The following BCAS3 variants were observed in gnomAD, a reference collection of about 807,000 sequenced individuals.
BCAS3 encodes the protein BCAS3 microtubule associated cell migration factor, also known as BCAS4/BCAS3 fusion.
BCAS3 carries 53 observed loss-of-function variants against 116.1 expected under a neutral mutation model. That is an observed-to-expected ratio of 0.46 (90% CI 0.37 to 0.57). The LOEUF (loss-of-function observed/expected upper bound fraction) is 0.57. Among genes scored for constraint, BCAS3 ranks in the 20% least tolerant of loss-of-function variants. The pLI, the probability that BCAS3 is intolerant of heterozygous loss-of-function variation, is 0.00. For synonymous variants in BCAS3, 391 were observed against 408.2 expected (o/e 0.96, Z 0.51); for missense variants, 917 against 1,165.4 (o/e 0.79, Z 3.10).
Position 61,171,729 on chromosome 17 carries a change from T to C in BCAS3, c.2425+87165T>C, listed in dbSNP as rs866634184. The stretch of plus-strand genomic sequence containing the variant: ...TCAAACTCCTGGGCTCAAGTCATCC[T>C]CCTGCTTCAGCCTCCTGAGTAGCTG... On this transcript the variant is annotated intron_variant, in intron 22 of 23. Coordinates refer to ENST00000407086, the MANE Select transcript of BCAS3 (RefSeq NM_017679.5). The surrounding 1 kb of genome is among the most constrained non-coding windows in gnomAD (Gnocchi z 4.1). 4.6e-5 allele frequency among the ~76,000 whole-genome samples: 7 copies of C among 152,222 alleles called. No individual in the cohort carries two copies. In the South Asian group the frequency reaches 6.2e-4, roughly 14 times the overall value.
At chr17:60,849,674 C>A (rs2052887998) in intron 7 of BCAS3, among the ~76,000 whole-genome samples, 1 of 152,154 alleles carries the variant, frequency 6.6e-6, no homozygotes, top group Non-Finnish European at 1.5e-5. Context: ...GGCACAGTGG[C>A]TCATGCTTGT....
intron 5 of BCAS3, among the ~76,000 whole-genome samples, chr17:60,728,056 A>T (rs937001953): frequency 6.6e-6 from 1 of 151,740 alleles, no homozygotes; most frequent in African/African-American, 2.4e-5. Context: ...TGATCTGCCC[A>T]CCTCGGCCTC....
intron 6 of BCAS3, among the ~76,000 whole-genome samples, chr17:60,769,390 C>G (rs376788605): frequency 5.3e-5 from 8 of 152,146 alleles, no homozygotes; most frequent in African/African-American, 1.9e-4. Context: ...GTGCTCTGGT[C>G]ATACAACAGC....
chr17:60,942,869 A>G (rs982984608), intron 13 of BCAS3, among the ~76,000 whole-genome samples: 11 of 152,164 alleles, frequency 7.2e-5, no homozygotes, highest in African/African-American at 2.4e-4. Context: ...AAACGTAGAA[A>G]CCATCCTTCC....
intron 22 of BCAS3, among the ~76,000 whole-genome samples, chr17:61,306,784 ACT>A (rs890206500): frequency 6.6e-6 from 1 of 152,024 alleles, no homozygotes; most frequent in African/African-American, 2.4e-5. Flanking sequence ...ACAGAGTGAG[ACT>A]CTGTCTCAAA....
chr17:60,991,226 C>A, intron 15 of BCAS3, among the ~76,000 whole-genome samples: 1 of 152,036 alleles, frequency 6.6e-6, no homozygotes, highest in Non-Finnish European at 1.5e-5. Context: ...ATTTTGATAT[C>A]TTTGGCTTCT....
chr17:60,997,816 T>A (rs1460047925), intron 15 of BCAS3, among the ~76,000 whole-genome samples: 1 of 152,200 alleles, frequency 6.6e-6, no homozygotes, highest in African/African-American at 2.4e-5. Context: ...CCTTTATCTG[T>A]ACTGATTGTT....
At chr17:60,778,296 C>A (rs1341445313) in intron 6 of BCAS3, among the ~76,000 whole-genome samples, 1 of 151,916 alleles carries the variant, frequency 6.6e-6, no homozygotes, top group African/African-American at 2.4e-5. Context: ...TATCTCTCTG[C>A]CCTTCTCAAA....
chr17:61,197,340 C>T (rs568838479), intron 22 of BCAS3, among the ~76,000 whole-genome samples: 6 of 152,234 alleles, frequency 3.9e-5, no homozygotes, highest in East Asian at 1.9e-4. Flanking sequence ...TCCAGTCTTA[C>T]GTTTGCTTAA....
At chr17:60,927,200 T>A (rs891727093) in intron 13 of BCAS3, among the ~76,000 whole-genome samples, 1 of 152,114 alleles carries the variant, frequency 6.6e-6, no homozygotes, top group African/African-American at 2.4e-5. Context: ...ATAGGTCAGT[T>A]CAGTATTTTT....
Position 61,315,818 on chromosome 17 carries a change from G to A in BCAS3, c.2426-52509G>A, listed in dbSNP as rs111429702. Reference sequence around the variant, plus strand: ...CCACATGCCGCTGCGTCCCCTCCACGGCTCCCCTGCAGTAGCACACCTCTG... The same window carrying A: ...CCACATGCCGCTGCGTCCCCTCCACAGCTCCCCTGCAGTAGCACACCTCTG... On this transcript the variant is annotated intron_variant, in intron 22 of 23. Coordinates refer to ENST00000407086, the MANE Select transcript of BCAS3 (RefSeq NM_017679.5). The surrounding 1 kb of genome is among the most constrained non-coding windows in gnomAD (Gnocchi z 5.3). 3.4e-3 allele frequency among the ~76,000 whole-genome samples: 521 copies of A among 151,990 alleles called. 8 individuals are homozygous for A. Among genetic ancestry groups the A allele is most frequent in the African/African-American group, 0.012 (484 of 41,438 alleles).
intron 12 of BCAS3, among the ~76,000 whole-genome samples, chr17:60,918,337 T>G (rs2058882313): frequency 6.6e-6 from 1 of 152,206 alleles, no homozygotes; most frequent in Non-Finnish European, 1.5e-5. Flanking sequence ...TACAAATTTT[T>G]GGGGTACATG....
intron 11 of BCAS3, among the ~76,000 whole-genome samples, chr17:60,904,009 T>C (rs981898767): frequency 6.6e-6 from 1 of 152,218 alleles, no homozygotes; most frequent in Non-Finnish European, 1.5e-5. Context: ...AGCTCCTGTT[T>C]GCTATTCTTA....
chr17:61,324,932 A>G lies in BCAS3; in HGVS notation c.2426-43395A>G, dbSNP rs1186255242. On this transcript the variant is annotated intron_variant, in intron 22 of 23. Coordinates refer to ENST00000407086, the MANE Select transcript of BCAS3 (RefSeq NM_017679.5). This position sits in a 1 kb window ranked among gnomAD's most constrained non-coding sequence, Gnocchi z 4.6. ...CGAAGACTTCTAAGAGTTTTAGAAG[A>G]AAAGTTTGAGCTGCTAGAGGAGAAA... 6.6e-6 allele frequency among the ~76,000 whole-genome samples: 1 copy of G among 152,242 alleles called. No homozygotes were observed. Among genetic ancestry groups the G allele is most frequent in the Non-Finnish European group, 1.5e-5 (1 of 68,046 alleles).
intron 22 of BCAS3, among the ~76,000 whole-genome samples, chr17:61,299,022 C>T (rs2053200958): frequency 6.6e-6 from 1 of 151,176 alleles, no homozygotes; most frequent in South Asian, 2.1e-4. Flanking sequence ...GAGATTTCGC[C>T]ATGGTGGCCA....
chr17:61,067,273 G>GTGTATATATATATATATA (rs1251223420), intron 19 of BCAS3, among the ~76,000 whole-genome samples: 5 of 58,800 alleles, frequency 8.5e-5, no homozygotes, highest in East Asian at 5.1e-4. Context: ...GTGTGTATGT[G>GTGTATATATATATATATA]TATATATATA....
intron 14 of BCAS3, among the ~76,000 whole-genome samples, chr17:60,949,159 G>A (rs2060694471): frequency 6.6e-6 from 1 of 152,156 alleles, no homozygotes; most frequent in Non-Finnish European, 1.5e-5. Flanking sequence ...ATAGACGTGA[G>A]CCACCGCGCC....
At chr17:60,757,999 C>T (rs1321688007) in intron 6 of BCAS3, among the ~76,000 whole-genome samples, 1 of 152,106 alleles carries the variant, frequency 6.6e-6, no homozygotes. Flanking sequence ...TTCCCCAGCA[C>T]CATTTATTGA....
chr17:61,188,620 A>G lies in BCAS3; in HGVS notation c.2425+104056A>G, dbSNP rs186644319. Among the ~76,000 whole-genome samples the G allele has an allele frequency of 5.3e-5, 8 of 152,318 alleles. No individual in the cohort carries two copies. The highest frequency in any genetic ancestry group is 5.2e-4 in the Admixed American group (8 of 15,300). On this transcript the variant is annotated intron_variant, in intron 22 of 23. Coordinates refer to ENST00000407086, the MANE Select transcript of BCAS3 (RefSeq NM_017679.5). The surrounding 1 kb of genome is among the most constrained non-coding windows in gnomAD (Gnocchi z 4.0). ...TAGCAGTAGGTCTTAGCTTGTGCTA[A>G]GCATATAGAGTCCACTGTGGATGCA...
Sources: allele counts gnomAD v4.1 joint callset (sites outside exome capture counted in the v4.1 genomes callset), GRCh38; gene constraint gnomAD v4.1.1; non-coding constraint Gnocchi (gnomAD v3.1); transcripts MANE v1.5; gene names NCBI Gene and HGNC (gene_info 2026-07-23, HGNC 2026-07-21).